SUPV3L1: variants seen among roughly 807,000 people sequenced by gnomAD.
The protein encoded by SUPV3L1 is Suv3 like RNA helicase.
SUPV3L1 carries 35 observed loss-of-function variants against 70.0 expected under a neutral mutation model. The ratio of observed to expected loss-of-function variants is 0.50; its 90% CI spans 0.38 to 0.66. The LOEUF is 0.66. SUPV3L1 is among the 30% of genes least tolerant of loss of function. The pLI is 0.00. For synonymous variants in SUPV3L1, 364 were observed against 341.9 expected, an observed-to-expected ratio of 1.06 and a Z score of -0.71; for missense variants, 777 against 961.5, an observed-to-expected ratio of 0.81 and a Z score of 2.54.
At chr10:69,194,193 T>C (rs1285481818) in intron 6 of SUPV3L1, among the ~76,000 whole-genome samples, 1 of 152,032 alleles carries the variant, frequency 6.6e-6, no homozygotes, top group Non-Finnish European at 1.5e-5. Flanking sequence ...TGGGAGGCAG[T>C]GTGGTAGAGT....
At chr10:69,196,132 A>G (rs1038123346) in intron 7 of SUPV3L1, among the ~76,000 whole-genome samples, 2 of 152,096 alleles carry the variant, frequency 1.3e-5, no homozygotes, top group Non-Finnish European at 2.9e-5. Context: ...GAACATTTCT[A>G]CTGCTTGATG....
At chr10:69,207,058 C>T (rs1842849943) in intron 13 of SUPV3L1, among the ~76,000 whole-genome samples, 1 of 152,032 alleles carries the variant, frequency 6.6e-6, no homozygotes, top group Non-Finnish European at 1.5e-5. Flanking sequence ...AACTTAAGCT[C>T]GTATTTGAGG....
In SUPV3L1 at chr10:69,191,740, T is replaced by C. The variant is rs1213844123; in HGVS notation, c.827T>C (p.Val276Ala). 1 of 1,613,908 alleles carries C rather than the reference T, an allele frequency of 6.2e-7. No homozygotes were observed. Among genetic ancestry groups the C allele is most frequent in the East Asian group, 2.2e-5 (1 of 44,896 alleles). ...CAGGCTTCACATGTTTCTTGTACAG[T>C]TGAGATGTGCAGTGTTACAACTCCT... is the stretch of plus-strand genomic sequence containing the variant. ...GKQASHVSCT[V>A]EMCSVTTPYE... Residue 276 changes from valine to alanine, a missense_variant, in exon 6 of 15, where the codon GTT becomes GCT. Physicochemically the swap from Val to Ala is moderately conservative, Grantham distance 64. Transcript: ENST00000359655.
chr10:69,181,621 C>T, intron 1 of SUPV3L1, among the ~76,000 whole-genome samples: 1 of 152,108 alleles, frequency 6.6e-6, no homozygotes, highest in Non-Finnish European at 1.5e-5. Flanking sequence ...GTGTATTTGA[C>T]TCATGGTTCT....
At chr10:69,196,845 G>A (rs1842555722) in intron 7 of SUPV3L1, 147 bp from the exon 8 acceptor site, 1 of 609,172 alleles carries the variant, frequency 1.6e-6, no homozygotes, top group Admixed American at 2.9e-5. Flanking sequence ...ATTATTTCAA[G>A]GTTTGCATCA....
At position 69,198,675 on chromosome 10, in the gene SUPV3L1, T is replaced by G. The variant is rs922074415; in HGVS notation, c.1204+123T>G. 62 of 836,306 alleles carry G rather than the reference T, an allele frequency of 7.4e-5. 1 individual carries two copies. The highest frequency in any genetic ancestry group is 1.1e-4 in the Non-Finnish European group (58 of 544,334). 51.8% of individuals were successfully genotyped at this position (836,306 alleles called of 1,614,324 possible). A position where few individuals can be genotyped will look rare whatever the true frequency, so the allele number is the denominator to read the frequency against. On this transcript the variant is annotated intron_variant, in intron 9 of 14. Transcript: ENST00000359655. ...AGCTGCTTGATGTATTGGTAATTTG[T>G]TAAACGTCATATAAAATAAATAATT...
rs745895398 is a variant in SUPV3L1, at chr10:69,180,267, A to G, written c.-25A>G. ...CCGCCGCCGTGTCCGCGGCTGCGCC[A>G]GACAGTGTAGAACCTGCGGCCTCGA... is the stretch of plus-strand genomic sequence containing the variant. On this transcript the variant is annotated 5_prime_UTR_variant, in exon 1 of 15. Coordinates refer to ENST00000359655, the MANE Select transcript of SUPV3L1 (RefSeq NM_003171.5). 2.5e-6 allele frequency: 4 copies of G among 1,605,416 alleles called. No individual in the cohort carries two copies. Among genetic ancestry groups the G allele is most frequent in the Non-Finnish European group, 3.4e-6 (4 of 1,174,916 alleles).
chr10:69,196,901 G>A, intron 7 of SUPV3L1, 91 bp from the exon 8 acceptor site: 1 of 1,083,070 alleles, frequency 9.2e-7, no homozygotes, highest in East Asian at 2.6e-5. Context: ...AAAGCAATAT[G>A]TAAGCCAACG....
chr10:69,186,341 A>AG (rs369844108), intron 2 of SUPV3L1, 102 bp from the exon 3 acceptor site: 95,461 of 623,420 alleles, frequency 0.15, 3,801 homozygotes, highest in Non-Finnish European at 0.18. Context: ...AAAAAAAAAA[A>AG]AAAGAAAAAA....
At chr10:69,192,574 T>G (rs1469661361) in intron 6 of SUPV3L1, 1 of 152,272 alleles carries the variant, frequency 6.6e-6, no homozygotes, top group Non-Finnish European at 1.5e-5. Flanking sequence ...TTTGTAGTTA[T>G]TTCATTTAAA....
intron 6 of SUPV3L1, among the ~76,000 whole-genome samples, chr10:69,193,533 C>T (rs2132284423): frequency 6.7e-6 from 1 of 148,830 alleles, no homozygotes; most frequent in East Asian, 2.0e-4. Context: ...CAGCTTATTG[C>T]AGTCGTGACC....
intron 4 of SUPV3L1, among the ~76,000 whole-genome samples, chr10:69,188,051 G>C (rs1021700292): frequency 6.6e-6 from 1 of 152,094 alleles, no homozygotes; most frequent in East Asian, 1.9e-4. Flanking sequence ...CTGAGCGCCT[G>C]GGTGTTAATG....
At position 69,180,540 on chromosome 10, in the gene SUPV3L1, G is replaced by T. The variant is rs770452955; in HGVS notation, c.249G>T (p.Glu83Asp). 1 of 1,614,142 alleles carries T rather than the reference G, an allele frequency of 6.2e-7. No individual in the cohort carries two copies. Among genetic ancestry groups the T allele is most frequent in the Non-Finnish European group, 8.5e-7 (1 of 1,180,034 alleles). ...GPSADGDVGA[E>D]LTRPLDKNEV... ...GCGCCGACGGCGACGTCGGGGCCGA[G>T]CTAACCCGGCCTCTGGACAAGAGTG... The change falls in exon 1 of 15, where the codon GAG becomes GAT. Residue 83 changes from glutamate (E) to aspartate (D), a missense_variant. By Grantham distance (45) the Glu-to-Asp change is conservative. Coordinates refer to ENST00000359655, the MANE Select transcript of SUPV3L1 (RefSeq NM_003171.5).
chr10:69,207,844 C>T lies in SUPV3L1; in HGVS notation c.1828C>T (p.Arg610Ter). 8.1e-6 allele frequency: 13 copies of T among 1,614,064 alleles called. No individual in the cohort carries two copies. Among genetic ancestry groups the T allele is most frequent in the East Asian group, 2.2e-5 (1 of 44,882 alleles). Residue 610 changes from arginine to a stop codon, truncating the protein, a stop_gained, in exon 14 of 15, where the codon CGA becomes TGA. Transcript: ENST00000359655. LOFTEE classifies it high-confidence loss of function. ...GCCCCTGACCTTTGCATGGTTACGCCGATACATCAAATGGCCTTTACTTCC... is the reference window on the plus strand; with the variant it reads ...GCCCCTGACCTTTGCATGGTTACGCTGATACATCAAATGGCCTTTACTTCC... ...NEPLTFAWLR[R>*]YIKWPLLPPK...
rs1842142810 is a variant in SUPV3L1, at chr10:69,183,980, GGTCTTTT to G, written c.272-2004_272-1998del. Among the ~76,000 whole-genome samples the G allele has an allele frequency of 2.0e-5, 3 of 150,330 alleles. No individual in the cohort carries two copies. In the South Asian group the frequency reaches 6.3e-4, roughly 32 times the overall value. On this transcript the variant is annotated intron_variant, in intron 1 of 14. Transcript: ENST00000359655. ...CATATTTATAGTGTCATATAGTATT[GGTCTTTT>G]GTAACTGGTTTCTTTTACTTAGCAT...
In SUPV3L1 at chr10:69,199,031, T is replaced by C. The variant is rs536413886; in HGVS notation, c.1205-73T>C. On this transcript the variant is annotated intron_variant, in intron 9 of 14. Transcript: ENST00000359655. ...AATGGGAAGAACAGGAGGTGAGGGT[T>C]TCCAAGATGTACTTAGCTTGATGTA... is the stretch of plus-strand genomic sequence containing the variant. 2.6e-5 allele frequency: 30 copies of C among 1,169,868 alleles called. No individual in the cohort carries two copies. The Admixed American group carries it at 6.8e-4, about 27-fold the overall frequency. The allele number at this position is 1,169,868 out of a possible 1,614,324, so 72.5% of individuals were successfully genotyped here. A position where few individuals can be genotyped will look rare whatever the true frequency, so the allele number is the denominator to read the frequency against.
At chr10:69,186,625 CT>C (rs1162165029) in intron 3 of SUPV3L1, 75 bp downstream of exon 3, 2 of 1,277,340 alleles carry the variant, frequency 1.6e-6, no homozygotes, top group Non-Finnish European at 2.2e-6. Flanking sequence ...GCTCATTTCT[CT>C]AGAAGGGCTT....
intron 3 of SUPV3L1, among the ~76,000 whole-genome samples, chr10:69,186,888 TA>T (rs1266033246): frequency 6.6e-6 from 1 of 151,090 alleles, no homozygotes; most frequent in Non-Finnish European, 1.5e-5. Context: ...GTTCTTGCTA[TA>T]AAAGAAAAAA....
Position 69,180,405 on chromosome 10 carries a change from T to C in SUPV3L1, c.114T>C (p.Val38=). 1.2e-6 allele frequency: 2 copies of C among 1,614,248 alleles called. No homozygotes were observed. Among genetic ancestry groups the C allele is most frequent in the Admixed American group, 1.7e-5 (1 of 60,032 alleles). The change falls in exon 1 of 15, where the codon GTT becomes GTC. Residue 38 remains valine, a synonymous_variant. Coordinates refer to ENST00000359655, the MANE Select transcript of SUPV3L1 (RefSeq NM_003171.5). ...LRPHFGPFPG[V]LGQVSVLATA... ...CCCACTTTGGGCCCTTTCCCGGGGT[T>C]CTGGGGCAAGTTTCTGTCCTTGCCA...
Sources: gnomAD v4.1 joint callset for allele counts (sites outside exome capture counted in the v4.1 genomes callset) on GRCh38, gnomAD v4.1.1 for gene constraint, MANE v1.5 for transcripts, NCBI Gene and HGNC (gene_info 2026-07-23, HGNC 2026-07-21) for gene names.